Variants in SNUPN observed in about 807,000 individuals in gnomAD.
The protein encoded by SNUPN is snurportin 1.
SNUPN carries 31 observed loss-of-function variants against 39.2 expected under a neutral mutation model. That is an observed-to-expected ratio of 0.79 (90% CI 0.59 to 1.07). SNUPN has a LOEUF of 1.07. Ranked by LOEUF, SNUPN falls within the 50% of genes least tolerant of loss-of-function variation. The pLI is 0.00. For synonymous variants in SNUPN, 132 were observed against 159.0 expected, an observed-to-expected ratio of 0.83 and a Z score of 1.28; for missense variants, 382 against 434.2, an observed-to-expected ratio of 0.88 and a Z score of 1.07.
intron 2 of SNUPN, among the ~76,000 whole-genome samples, chr15:75,618,054 C>G (rs1275939627): frequency 6.6e-6 from 1 of 152,118 alleles, no homozygotes; most frequent in Non-Finnish European, 1.5e-5. Context: ...TAGCGAAACC[C>G]CCTCTGAATA....
chr15:75,616,081 T>C (rs1043237188), intron 3 of SNUPN, among the ~76,000 whole-genome samples: 1 of 152,204 alleles, frequency 6.6e-6, no homozygotes, highest in Non-Finnish European at 1.5e-5. Context: ...GAGGATGTTA[T>C]CTGTACTGTA....
chr15:75,625,482 C>T (rs1893202516), intron 1 of SNUPN, 184 bp downstream of exon 1: 1 of 152,114 alleles, frequency 6.6e-6, no homozygotes, highest in African/African-American at 2.4e-5. Context: ...CCTGAGGGGT[C>T]CTGGCCGGAC....
Position 75,619,022 on chromosome 15 carries a change from TAAAAAAAAA to T in SNUPN, c.159-1479_159-1471del, listed in dbSNP as rs35749195. Among the ~76,000 whole-genome samples the T allele has an allele frequency of 9.4e-5, 7 of 74,378 alleles. No homozygotes were observed. The South Asian group carries it at 3.3e-3, about 35-fold the overall frequency. 48.8% of individuals were successfully genotyped at this position (74,378 alleles called of 152,430 possible). A position where few individuals can be genotyped will look rare whatever the true frequency, so the allele number is the denominator to read the frequency against. On this transcript the variant is annotated intron_variant, in intron 2 of 8. Transcript: ENST00000308588. ...GTATATAGTATACTGCTACTTGTGT[TAAAAAAAAA>T]AAAAAAAAAAAAAAAAAAAGCCAGG...
chr15:75,608,150 G>C (rs1892681419), intron 5 of SNUPN, among the ~76,000 whole-genome samples: 1 of 152,120 alleles, frequency 6.6e-6, no homozygotes, highest in African/African-American at 2.4e-5. Context: ...GGAGGCCAAG[G>C]CAGGCAGATG....
chr15:75,612,667 T>C (rs1892816488), intron 3 of SNUPN, among the ~76,000 whole-genome samples: 1 of 152,036 alleles, frequency 6.6e-6, no homozygotes, highest in Non-Finnish European at 1.5e-5. Context: ...TCTTTCTGTT[T>C]GTCTCCTCTG....
intron 5 of SNUPN, among the ~76,000 whole-genome samples, chr15:75,608,544 C>A (rs968201161): frequency 6.6e-6 from 1 of 152,162 alleles, no homozygotes; most frequent in East Asian, 1.9e-4. Flanking sequence ...CTCAGCTAGG[C>A]CCAGTGGGGA....
At chr15:75,610,036 G>T in intron 3 of SNUPN, 42 bp from the exon 4 acceptor site, 1 of 1,465,054 alleles carries the variant, frequency 6.8e-7, no homozygotes, top group Non-Finnish European at 9.6e-7. Flanking sequence ...GCAGGGGTGT[G>T]CTACTCGAAA....
intron 3 of SNUPN, among the ~76,000 whole-genome samples, chr15:75,616,394 G>A (rs1164452832): frequency 6.6e-6 from 1 of 151,798 alleles, no homozygotes; most frequent in Non-Finnish European, 1.5e-5. Context: ...GGAGGCAGAG[G>A]TTGCAGTGAG....
intron 3 of SNUPN, among the ~76,000 whole-genome samples, chr15:75,614,904 T>C (rs1402528191): frequency 2.6e-5 from 4 of 152,118 alleles, no homozygotes; most frequent in Non-Finnish European, 4.4e-5. Flanking sequence ...ATAAGTACTA[T>C]TACTATCCCC....
chr15:75,598,174 A>G lies in SNUPN; in HGVS notation c.*184T>C. 1 of 571,502 alleles carries G rather than the reference A, an allele frequency of 1.7e-6. No homozygotes were observed. Among genetic ancestry groups the G allele is most frequent in the Non-Finnish European group, 3.1e-6 (1 of 322,368 alleles). The allele number at this position is 571,502 out of a possible 1,614,324, so 35.4% of individuals were successfully genotyped here. On this transcript the variant is annotated 3_prime_UTR_variant, in exon 9 of 9. Coordinates refer to ENST00000308588, the MANE Select transcript of SNUPN (RefSeq NM_005701.4). The stretch of plus-strand genomic sequence containing the variant: ...CTCAAATCAATCTGAATGCTACGCA[A>G]TCTGGGAACCTCCCCATAACTGTTT...
At chr15:75,611,732 G>A (rs190716469) in intron 3 of SNUPN, among the ~76,000 whole-genome samples, 142 of 151,892 alleles carry the variant, frequency 9.3e-4, no homozygotes, top group Non-Finnish European at 1.2e-3. Flanking sequence ...GCATGCACCC[G>A]TAGTCCCAGC....
At position 75,621,008 on chromosome 15, in the gene SNUPN, G is replaced by C. The variant is rs765680094; in HGVS notation, c.44C>G (p.Ser15Cys). ...GGCAGCTGTGCTGTTCAGATCTTGA[G>C]ACACAGAAAAGCTACTAGCCAGGGC... ...SQALASSFSVSQDLNSTAAPH... is the reference protein window; with the variant it reads ...SQALASSFSVCQDLNSTAAPH... The change falls in exon 2 of 9, where the codon TCT becomes TGT. Residue 15 changes from serine to cysteine, a missense_variant. By Grantham distance (112) the Ser-to-Cys change is moderately radical (BLOSUM62 -1). Transcript: ENST00000308588. 5.0e-6 allele frequency: 8 copies of C among 1,613,960 alleles called. No homozygotes were observed. In the Admixed American group the frequency reaches 1.3e-4, roughly 27 times the overall value.
intron 6 of SNUPN, among the ~76,000 whole-genome samples, chr15:75,606,761 A>C (rs1056819970): frequency 1.3e-5 from 2 of 152,136 alleles, no homozygotes; most frequent in Non-Finnish European, 2.9e-5. Context: ...TGCCATTTTC[A>C]GGGTCAGGAT....
In SNUPN at chr15:75,610,010, A is replaced by G; in HGVS notation, c.304-16T>C. On this transcript the variant is annotated splice_polypyrimidine_tract_variant and intron_variant, in intron 3 of 8. Coordinates refer to ENST00000308588, the MANE Select transcript of SNUPN (RefSeq NM_005701.4). ...AAAGCATCAACTGGAAATGCAAAAA[A>G]TAGTGTTAAAGATCAGCAGGGGTGT... 6.3e-7 allele frequency: 1 copy of G among 1,594,446 alleles called. No homozygotes were observed. The highest frequency in any genetic ancestry group is 8.6e-7 in the Non-Finnish European group (1 of 1,162,302).
At chr15:75,611,779 TG>T (rs893792411) in intron 3 of SNUPN, among the ~76,000 whole-genome samples, 5 of 151,736 alleles carry the variant, frequency 3.3e-5, no homozygotes, top group Non-Finnish European at 5.9e-5. Flanking sequence ...CACTTGAAGC[TG>T]GGAGATGGAG....
intron 1 of SNUPN, among the ~76,000 whole-genome samples, chr15:75,623,387 G>A (rs1020509259): frequency 6.6e-6 from 1 of 151,538 alleles, no homozygotes; most frequent in Non-Finnish European, 1.5e-5. Context: ...CCGACCTCCT[G>A]ATCTGCCCAC....
At chr15:75,619,337 T>C (rs553150000) in intron 2 of SNUPN, among the ~76,000 whole-genome samples, 2 of 151,518 alleles carry the variant, frequency 1.3e-5, no homozygotes, top group East Asian at 2.0e-4. Context: ...CTTGCTCATA[T>C]ATGTATAGAA....
At chr15:75,615,928 C>A (rs1411630676) in intron 3 of SNUPN, among the ~76,000 whole-genome samples, 5 of 151,888 alleles carry the variant, frequency 3.3e-5, no homozygotes, top group Non-Finnish European at 7.4e-5. Flanking sequence ...TTTTTTATAG[C>A]ACAAAACATC....
chr15:75,606,800 G>A (rs769606038), intron 6 of SNUPN, among the ~76,000 whole-genome samples: 13 of 152,048 alleles, frequency 8.5e-5, no homozygotes, highest in Admixed American at 3.3e-4. Flanking sequence ...GAGGTTGCAG[G>A]AGTCTAGTAG....
Sources: gnomAD v4.1 joint callset for allele counts (sites outside exome capture counted in the v4.1 genomes callset) on GRCh38, gnomAD v4.1.1 for gene constraint, MANE v1.5 for transcripts, NCBI Gene and HGNC (gene_info 2026-07-23, HGNC 2026-07-21) for gene names.